Variants in TM7SF3 observed in about 807,000 individuals in gnomAD.
The protein encoded by TM7SF3 is transmembrane 7 superfamily member 3.
TM7SF3 carries 60 observed loss-of-function variants against 65.5 expected under a neutral mutation model. That is an observed-to-expected ratio of 0.92 (90% CI 0.74 to 1.14). The LOEUF is 1.14. TM7SF3 is among the 50% of genes most tolerant of loss of function. The probability of loss-of-function intolerance (pLI) is 0.00; values close to 1 mark genes in which losing one functional copy is unlikely to be tolerated. For missense variants in TM7SF3, 623 were observed against 684.8 expected (o/e 0.91, Z 1.01); for synonymous variants, 264 against 259.6 (o/e 1.02, Z -0.16).
rs779433569 is a variant in TM7SF3, at chr12:26,973,124, C to G, written c.*841G>C. 2.7e-5 allele frequency: 4 copies of G among 149,804 alleles called. No individual in the cohort carries two copies. Among genetic ancestry groups the G allele is most frequent in the Non-Finnish European group, 5.9e-5 (4 of 67,594 alleles). The allele number at this position is 149,804 out of a possible 1,614,324, so 9.3% of individuals were successfully genotyped here. On this transcript the variant is annotated 3_prime_UTR_variant, in exon 12 of 12. Transcript: ENST00000343028. The stretch of plus-strand genomic sequence containing the variant: ...GGTAACTTTTGGATAATGTATGATA[C>G]TAAGAAGGGCATGCAACTAAGTAAT...
chr12:26,983,726 A>G lies in TM7SF3; in HGVS notation c.869-867T>C, dbSNP rs11048795. ...CAATTTAAAAACATGTATTACACTT[A>G]TAAGTTATTTATTATAATATTTATT... On this transcript the variant is annotated intron_variant, in intron 6 of 11. Transcript: ENST00000343028. 2,493 of 295,630 alleles carry G rather than the reference A, an allele frequency of 8.4e-3. 67 individuals carry two copies. Among genetic ancestry groups the G allele is most frequent in the African/African-American group, 0.05 (2,324 of 46,554 alleles). The allele number at this position is 295,630 out of a possible 1,614,324, so 18.3% of individuals were successfully genotyped here.
At chr12:26,996,579 C>T (rs114884554) in intron 4 of TM7SF3, among the ~76,000 whole-genome samples, 163 bp downstream of exon 4, 309 of 152,272 alleles carry the variant, frequency 2.0e-3, no homozygotes, top group African/African-American at 6.8e-3. Flanking sequence ...CTGTAAATGA[C>T]AGTCCAAATA....
intron 3 of TM7SF3, among the ~76,000 whole-genome samples, chr12:26,998,402 T>G (rs1410852457): frequency 6.6e-6 from 1 of 152,174 alleles, no homozygotes; most frequent in Non-Finnish European, 1.5e-5. Context: ...TTAAATTATG[T>G]ACTCTGCATT....
intron 1 of TM7SF3, among the ~76,000 whole-genome samples, chr12:27,006,833 A>G (rs1941057270): frequency 6.6e-6 from 1 of 152,232 alleles, no homozygotes; most frequent in African/African-American, 2.4e-5. Context: ...CTGGGTATGT[A>G]CCATAATTAT....
In TM7SF3 at chr12:26,972,163, G is replaced by A. The variant is rs893539570; in HGVS notation, c.*1802C>T. The A allele has an allele frequency of 6.6e-6, 1 of 152,134 alleles. No homozygotes were observed. Among genetic ancestry groups the A allele is most frequent in the Admixed American group, 6.5e-5 (1 of 15,274 alleles). 9.4% of individuals were successfully genotyped at this position (152,134 alleles called of 1,614,324 possible). A position where few individuals can be genotyped will look rare whatever the true frequency, so the allele number is the denominator to read the frequency against. ...TAGTAAGTATGCAACCCAGGGTGTC[G>A]GGTGCTTTCTTGTGGTGAAACAAGG... is the stretch of plus-strand genomic sequence containing the variant. On this transcript the variant is annotated 3_prime_UTR_variant, in exon 12 of 12. Transcript: ENST00000343028.
chr12:26,992,380 GC>G (rs1173567268), intron 5 of TM7SF3, among the ~76,000 whole-genome samples: 3 of 151,966 alleles, frequency 2.0e-5, no homozygotes, highest in African/African-American at 7.3e-5. Flanking sequence ...CCAGGTTCAC[GC>G]CATTCTCCTG....
At chr12:26,988,489 A>G (rs1213236402) in intron 6 of TM7SF3, among the ~76,000 whole-genome samples, 2 of 152,154 alleles carry the variant, frequency 1.3e-5, no homozygotes, top group Non-Finnish European at 2.9e-5. Context: ...TTACTTATAA[A>G]GGACACTATT....
Position 26,979,567 on chromosome 12 carries a change from C to T in TM7SF3, c.1189+217G>A, listed in dbSNP as rs1032588399. ...TCACAACAAATAGATACAAAGCTACCTCTAAAGACATTCTATATTTCATCT... is the reference window on the plus strand; with the variant it reads ...TCACAACAAATAGATACAAAGCTACTTCTAAAGACATTCTATATTTCATCT... On this transcript the variant is annotated intron_variant, in intron 9 of 11. Coordinates refer to ENST00000343028, the MANE Select transcript of TM7SF3 (RefSeq NM_016551.3). 6 of 575,306 alleles carry T rather than the reference C, an allele frequency of 1.0e-5. No homozygotes were observed. In the South Asian group the frequency reaches 1.3e-4, roughly 13 times the overall value. 35.6% of individuals were successfully genotyped at this position (575,306 alleles called of 1,614,324 possible).
At chr12:26,980,967 T>C (rs1939789376) in intron 7 of TM7SF3, among the ~76,000 whole-genome samples, 1 of 152,256 alleles carries the variant, frequency 6.6e-6, no homozygotes, top group South Asian at 2.1e-4. Context: ...TGTTTTCTGC[T>C]TAAAATAAGA....
rs1001314748 is a variant in TM7SF3, at chr12:26,998,014, T to C, written c.398-1152A>G. 1.7e-4 allele frequency among the ~76,000 whole-genome samples: 26 copies of C among 152,162 alleles called. No individual in the cohort carries two copies. The East Asian group carries it at 4.4e-3, about 26-fold the overall frequency. ...CTAATTTTTGTATTTTTAGTAGAGA[T>C]AGAGTTTCGCCATGTTGGCCAGGCT... On this transcript the variant is annotated intron_variant, in intron 3 of 11. Coordinates refer to ENST00000343028, the MANE Select transcript of TM7SF3 (RefSeq NM_016551.3).
chr12:27,012,270 TAGGGTGGTGGGGATTA>T (rs1941272647), intron 1 of TM7SF3, among the ~76,000 whole-genome samples: 1 of 152,084 alleles, frequency 6.6e-6, no homozygotes, highest in Non-Finnish European at 1.5e-5. Context: ...CATTACATTG[TAGGGTGGTGGGGATTA>T]AATAACACTG....
At chr12:26,984,450 A>AAC (rs68005362) in intron 6 of TM7SF3, among the ~76,000 whole-genome samples, 2 of 54,700 alleles carry the variant, frequency 3.7e-5, no homozygotes, top group African/African-American at 8.0e-5. Flanking sequence ...AACGAAAAAC[A>AAC]AAAAAAAAAA....
chr12:27,005,328 T>C (rs1322340256), intron 1 of TM7SF3, among the ~76,000 whole-genome samples: 1 of 152,212 alleles, frequency 6.6e-6, no homozygotes, highest in East Asian at 1.9e-4. Context: ...TGTTCTCATT[T>C]TCCCTATTTG....
intron 7 of TM7SF3, among the ~76,000 whole-genome samples, chr12:26,982,396 C>G (rs1939855087): frequency 6.6e-6 from 1 of 152,084 alleles, no homozygotes; most frequent in Non-Finnish European, 1.5e-5. Flanking sequence ...AGACTTGTTT[C>G]AAACTCCTGG....
At position 26,971,700 on chromosome 12, in the gene TM7SF3, T is replaced by G. The variant is rs1381344922; in HGVS notation, c.*2265A>C. On this transcript the variant is annotated 3_prime_UTR_variant, in exon 12 of 12. Transcript: ENST00000343028. ...AATAGTGTGTTCTGTCTTTACAGTC[T>G]TCACTGGCAGTGCATTCAGATAGTA... 4 of 152,322 alleles carry G rather than the reference T, an allele frequency of 2.6e-5. No individual in the cohort carries two copies. The highest frequency in any genetic ancestry group is 2.6e-4 in the Admixed American group (4 of 15,300). The allele number at this position is 152,322 out of a possible 1,614,324, so 9.4% of individuals were successfully genotyped here. A position where few individuals can be genotyped will look rare whatever the true frequency, so the allele number is the denominator to read the frequency against.
intron 6 of TM7SF3, among the ~76,000 whole-genome samples, chr12:26,988,115 C>T (rs1940179444): frequency 6.6e-6 from 1 of 151,084 alleles, no homozygotes; most frequent in South Asian, 2.1e-4. Flanking sequence ...AGAGACACAT[C>T]GGTTAAATGC....
intron 1 of TM7SF3, chr12:27,012,722 G>A (rs1182024216): frequency 1.3e-5 from 6 of 455,860 alleles, no homozygotes; most frequent in South Asian, 3.1e-5. Context: ...GAAATCGGCC[G>A]GGCGCGGTGG....
intron 6 of TM7SF3, among the ~76,000 whole-genome samples, chr12:26,985,020 A>G (rs538912673): frequency 6.6e-6 from 1 of 152,314 alleles, no homozygotes; most frequent in South Asian, 2.1e-4. Flanking sequence ...GAGAGTAACA[A>G]TAGAACTAAC....
At chr12:26,977,981 A>T in intron 9 of TM7SF3, 1 of 366,902 alleles carries the variant, frequency 2.7e-6, no homozygotes, top group Non-Finnish European at 5.4e-6. Flanking sequence ...CTGTAGTCCC[A>T]GCTACTTGGG....
Sources: allele counts gnomAD v4.1 joint callset (sites outside exome capture counted in the v4.1 genomes callset), GRCh38; gene constraint gnomAD v4.1.1; transcripts MANE v1.5; gene names NCBI Gene and HGNC (gene_info 2026-07-23, HGNC 2026-07-21).